PFKFB3: variants seen among roughly 807,000 people sequenced by gnomAD.
The protein encoded by PFKFB3 is 6-phosphofructo-2-kinase/fructose-2,6-bisphosphatase 3.
In PFKFB3, 33 loss-of-function variants were observed where a neutral mutation model predicts 68.0. The ratio of observed to expected loss-of-function variants is 0.49; its 90% CI spans 0.37 to 0.65. The LOEUF is 0.65. Among genes scored for constraint, PFKFB3 ranks in the 30% least tolerant of loss-of-function variants. The pLI, the probability that PFKFB3 is intolerant of heterozygous loss-of-function variation, is 0.00. For missense variants in PFKFB3, 586 were observed against 712.2 expected (o/e 0.82, Z 2.02); for synonymous variants, 315 against 288.2 (o/e 1.09, Z -0.94).
At chr10:6,316,072 A>G in the PFKFB3 span, among the ~76,000 whole-genome samples, 1 of 152,230 alleles carries the variant, frequency 6.6e-6, no homozygotes, top group African/African-American at 2.4e-5. Context: ...AGAAAAAGGA[A>G]GAGATTAAAA....
At chr10:6,167,767 CA>C (rs1360640639) in intron 1 of PFKFB3, among the ~76,000 whole-genome samples, 5 of 152,184 alleles carry the variant, frequency 3.3e-5, no homozygotes, top group African/African-American at 1.2e-4. Flanking sequence ...TTCTTCCTTT[CA>C]AGGGATTTCC....
Position 6,207,279 on chromosome 10 carries a change from A to G in PFKFB3, c.76+3943A>G, listed in dbSNP as rs868642336. The stretch of plus-strand genomic sequence containing the variant: ...AGCGAAACCCCGTCTCCACCAAAAA[A>G]ATACGAAAACCAGTCAGGCGTGGCG... On this transcript the variant is annotated intron_variant, in intron 1 of 14. Transcript: ENST00000379775. Among the ~76,000 whole-genome samples the G allele has an allele frequency of 5.0e-4, 76 of 152,348 alleles. 1 individual carries two copies. Among genetic ancestry groups the G allele is most frequent in the African/African-American group, 1.7e-3 (70 of 41,590 alleles).
At chr10:6,245,331 G>A (rs1366494915) in intron 14 of PFKFB3, among the ~76,000 whole-genome samples, 3 of 151,990 alleles carry the variant, frequency 2.0e-5, no homozygotes, top group Non-Finnish European at 4.4e-5. Flanking sequence ...TCCTGACCTT[G>A]TGATCTGCCC....
chr10:6,189,048 C>A (rs977838343), intron 1 of PFKFB3, among the ~76,000 whole-genome samples: 2 of 152,040 alleles, frequency 1.3e-5, no homozygotes, highest in South Asian at 4.1e-4. Flanking sequence ...ACTGTGTTAG[C>A]CAGGATGGTC....
the PFKFB3 span, among the ~76,000 whole-genome samples, chr10:6,301,969 C>T: frequency 6.6e-6 from 1 of 152,128 alleles, no homozygotes; most frequent in African/African-American, 2.4e-5. Context: ...TTGCTTTATC[C>T]ACTTCCTAAC....
At chr10:6,167,527 C>A (rs1302577420) in intron 1 of PFKFB3, among the ~76,000 whole-genome samples, 1 of 152,204 alleles carries the variant, frequency 6.6e-6, no homozygotes, top group Non-Finnish European at 1.5e-5. Context: ...ATTTTAACAT[C>A]TCTTGAGAGA....
chr10:6,178,011 G>T (rs1461593210), intron 1 of PFKFB3, among the ~76,000 whole-genome samples: 5 of 152,210 alleles, frequency 3.3e-5, no homozygotes, highest in Non-Finnish European at 1.5e-5. Flanking sequence ...TGGCTGTCAA[G>T]AGGGTGGATG....
At chr10:6,284,245 C>G in the PFKFB3 span, among the ~76,000 whole-genome samples, 1 of 152,186 alleles carries the variant, frequency 6.6e-6, no homozygotes, top group African/African-American at 2.4e-5. Context: ...TACTGATTTT[C>G]TGCCTGCTAG....
At chr10:6,294,505 G>A in the PFKFB3 span, 1 of 207,286 alleles carries the variant, frequency 4.8e-6, no homozygotes, top group Non-Finnish European at 9.9e-6. Flanking sequence ...CACAAGAACA[G>A]CATGGGAAAG....
Position 6,154,590 on chromosome 10 carries a change from G to A in PFKFB3, c.16+9577G>A, listed in dbSNP as rs1588386887. Among the ~76,000 whole-genome samples the A allele has an allele frequency of 1.3e-5, 2 of 152,270 alleles. No homozygotes were observed. The highest frequency in any genetic ancestry group is 2.1e-4 in the South Asian group (1 of 4,820). ...ACCATAAAACGTCTCCGCCACGGGT[G>A]GCTACTATCCTGAGAGCAGACTGTG... On this transcript the variant is annotated intron_variant, in intron 1 of 14. Transcript: ENST00000379789. The surrounding 1 kb of genome is among the most constrained non-coding windows in gnomAD (Gnocchi z 4.6).
chr10:6,203,656 C>G (rs532338483), intron 1 of PFKFB3, among the ~76,000 whole-genome samples: 1 of 151,904 alleles, frequency 6.6e-6, no homozygotes, highest in Non-Finnish European at 1.5e-5. Context: ...CCTCGACACC[C>G]GTCTCGGGCG....
chr10:6,233,048 G>C lies in PFKFB3; in HGVS notation c.*106G>C. On this transcript the variant is annotated 3_prime_UTR_variant, in exon 15 of 15. Transcript: ENST00000379775. ...CTGAGGACTTCTTCCGGAGAGGGTG[G>C]GGTGGAGCAGCGGGGGAGCCTTGGC... 1.1e-6 allele frequency: 1 copy of C among 886,374 alleles called. No individual in the cohort carries two copies. Among genetic ancestry groups the C allele is most frequent in the Non-Finnish European group, 1.9e-6 (1 of 530,812 alleles). The allele number at this position is 886,374 out of a possible 1,614,324, so 54.9% of individuals were successfully genotyped here.
the PFKFB3 span, among the ~76,000 whole-genome samples, chr10:6,286,162 A>G: frequency 6.6e-6 from 1 of 151,768 alleles, no homozygotes; most frequent in Non-Finnish European, 1.5e-5. Flanking sequence ...TATTTTTAGT[A>G]GAGGCAGGGT....
chr10:6,308,093 C>T, the PFKFB3 span, among the ~76,000 whole-genome samples: 1 of 152,182 alleles, frequency 6.6e-6, no homozygotes, highest in Non-Finnish European at 1.5e-5. Context: ...ATGAATTAGC[C>T]ATTTTTGCGG....
the PFKFB3 span, among the ~76,000 whole-genome samples, chr10:6,262,020 A>AAC: frequency 3.4e-5 from 1 of 29,534 alleles, no homozygotes; most frequent in Non-Finnish European, 1.4e-4. Context: ...AACAAAAAAC[A>AAC]AAAAAAAAAA....
chr10:6,175,976 C>T (rs919385256), intron 1 of PFKFB3, among the ~76,000 whole-genome samples: 7 of 152,252 alleles, frequency 4.6e-5, no homozygotes, highest in Non-Finnish European at 8.8e-5. Flanking sequence ...AGGAAGCCCC[C>T]GCCTTGGCGT....
the PFKFB3 span, among the ~76,000 whole-genome samples, chr10:6,302,362 G>GTTTTTTTGTTTTTTTTTTTTTT: frequency 1.3e-5 from 1 of 78,494 alleles, no homozygotes; most frequent in African/African-American, 6.5e-5. Flanking sequence ...TGCCTGGCCA[G>GTTTTTTTGTTTTTTTTTTTTTT]TTTTTTTTTT....
intron 1 of PFKFB3, among the ~76,000 whole-genome samples, chr10:6,204,302 A>G (rs1463895863): frequency 2.0e-5 from 3 of 152,264 alleles, no homozygotes; most frequent in African/African-American, 7.2e-5. Flanking sequence ...GGTTTTGCCC[A>G]GGTCAGGTCG....
intron 14 of PFKFB3, among the ~76,000 whole-genome samples, chr10:6,242,675 C>T (rs1456156779): frequency 6.6e-6 from 1 of 152,070 alleles, no homozygotes; most frequent in Non-Finnish European, 1.5e-5. Flanking sequence ...GCAACCTCCA[C>T]CTCCTGAGTT....
Sources: gnomAD v4.1 joint callset for allele counts (sites outside exome capture counted in the v4.1 genomes callset) on GRCh38, gnomAD v4.1.1 for gene constraint, Gnocchi (gnomAD v3.1) non-coding constraint, MANE v1.5 for transcripts, NCBI Gene and HGNC (gene_info 2026-07-23, HGNC 2026-07-21) for gene names.